Variants in TEX9 observed in about 807,000 individuals in gnomAD.
The protein encoded by TEX9 is testis expressed 9.
Under a neutral mutation model 59.6 loss-of-function variants are expected in TEX9, and 74 were observed. The ratio of observed to expected loss-of-function variants is 1.24; its 90% confidence interval spans 1.03 to 1.51. The LOEUF (loss-of-function observed/expected upper bound fraction) is 1.51, where lower values mean the gene tolerates loss of function less well. Among genes scored for constraint, TEX9 ranks in the 40% most tolerant of loss-of-function variants. TEX9 has a pLI of 0.00. For synonymous variants in TEX9, 186 were observed against 152.2 expected (o/e 1.22, Z -1.64); for missense variants, 522 against 447.8 (o/e 1.17, Z -1.49).
the TEX9 span, among the ~76,000 whole-genome samples, chr15:56,458,578 T>TA: frequency 7.1e-5 from 9 of 126,946 alleles, no homozygotes; most frequent in Non-Finnish European, 1.5e-4. Flanking sequence ...ATCATTTCAC[T>TA]ACCCTAAAAA....
At chr15:56,422,027 C>G (rs1327874684) in intron 10 of TEX9, among the ~76,000 whole-genome samples, 1 of 143,710 alleles carries the variant, frequency 7.0e-6, no homozygotes, top group African/African-American at 2.6e-5. Context: ...TTCTAGATCC[C>G]TGAGGAATCG....
chr15:56,439,225 G>A (rs768198238), intron 12 of TEX9, among the ~76,000 whole-genome samples: 3 of 152,182 alleles, frequency 2.0e-5, no homozygotes, highest in South Asian at 2.1e-4. Flanking sequence ...ACACGTACAG[G>A]ATTTGTATGC....
chr15:56,319,431 T>A (rs2045853694), intron 1 of TEX9, among the ~76,000 whole-genome samples: 1 of 151,966 alleles, frequency 6.6e-6, no homozygotes, highest in Non-Finnish European at 1.5e-5. Flanking sequence ...ACCCTTCTGA[T>A]GCTCTGATTG....
chr15:56,319,159 T>G (rs1460769199), intron 1 of TEX9, among the ~76,000 whole-genome samples: 1 of 152,024 alleles, frequency 6.6e-6, no homozygotes, highest in Non-Finnish European at 1.5e-5. Flanking sequence ...TCACTATAAA[T>G]TTGAGAATTT....
At chr15:56,444,153 A>C (rs1353475320) in intron 12 of TEX9, among the ~76,000 whole-genome samples, 1 of 152,066 alleles carries the variant, frequency 6.6e-6, no homozygotes, top group Non-Finnish European at 1.5e-5. Flanking sequence ...TCTACCAAAA[A>C]AATTTATCAG....
chr15:56,378,253 C>CCCT (rs1334924746), intron 3 of TEX9, among the ~76,000 whole-genome samples: 2 of 151,916 alleles, frequency 1.3e-5, no homozygotes, highest in African/African-American at 4.8e-5. Context: ...TGGAAGTATT[C>CCCT]CCTCCTCCTC....
intron 12 of TEX9, among the ~76,000 whole-genome samples, chr15:56,432,832 T>C (rs906776118): frequency 2.6e-5 from 4 of 152,174 alleles, no homozygotes; most frequent in Non-Finnish European, 4.4e-5. Flanking sequence ...ACATCTGCAT[T>C]ATTTTGACTC....
intron 1 of TEX9, among the ~76,000 whole-genome samples, chr15:56,305,216 C>T (rs1456669902): frequency 6.6e-6 from 1 of 151,932 alleles, no homozygotes; most frequent in African/African-American, 2.4e-5. Flanking sequence ...AAACGATTTA[C>T]AGATTCATTG....
At chr15:56,268,920 C>A (rs972127773) in intron 1 of TEX9, among the ~76,000 whole-genome samples, 33 of 152,016 alleles carry the variant, frequency 2.2e-4, no homozygotes, top group African/African-American at 7.5e-4. Flanking sequence ...CTTTTTGTAC[C>A]TCTGGTAGAA....
intron 1 of TEX9, among the ~76,000 whole-genome samples, chr15:56,294,176 G>T (rs1467578210): frequency 2.0e-5 from 3 of 152,198 alleles, no homozygotes; most frequent in African/African-American, 4.8e-5. Context: ...GGGAGGGAGG[G>T]GAGCTAGAGG....
rs1279267412 is a variant in TEX9 at position 56,431,573 on chromosome 15, T to G, written c.*29+3100T>G. ...CGAAGTTTTCAAATAAAACTACTCA[T>G]GCAATGAATTAGATAAAATTGATGA... On this transcript the variant is annotated intron_variant, in intron 12 of 12. Coordinates refer to ENST00000352903, the Ensembl canonical transcript of TEX9. 2.1e-6 allele frequency: 3 copies of G among 1,449,996 alleles called. No individual in the cohort carries two copies. The African/African-American group carries it at 4.2e-5, about 21-fold the overall frequency. The allele number at this position is 1,449,996 out of a possible 1,614,324, so 89.8% of individuals were successfully genotyped here. A position where few individuals can be genotyped will look rare whatever the true frequency, so the allele number is the denominator to read the frequency against.
At chr15:56,391,929 T>C (rs1221562292) in intron 7 of TEX9, among the ~76,000 whole-genome samples, 1 of 152,156 alleles carries the variant, frequency 6.6e-6, no homozygotes, top group Non-Finnish European at 1.5e-5. Flanking sequence ...TTTCTTCTTA[T>C]TAACTCATTC....
intron 12 of TEX9, among the ~76,000 whole-genome samples, chr15:56,438,068 C>G (rs1198850256): frequency 2.0e-5 from 3 of 152,116 alleles, no homozygotes; most frequent in African/African-American, 7.2e-5. Flanking sequence ...TCAATGCCAT[C>G]CACATCAAGC....
Position 56,374,019 on chromosome 15 carries a change from A to G in TEX9, c.183+515A>G, listed in dbSNP as rs527775087. 2.6e-5 allele frequency: 4 copies of G among 152,120 alleles called. No homozygotes were observed. In the South Asian group the frequency reaches 8.3e-4, roughly 32 times the overall value. The allele number at this position is 152,120 out of a possible 1,614,324, so 9.4% of individuals were successfully genotyped here. A position where few individuals can be genotyped will look rare whatever the true frequency, so the allele number is the denominator to read the frequency against. On this transcript the variant is annotated intron_variant, in intron 3 of 12. Transcript: ENST00000352903. ...ACATTTCAAGTAATATATTTTGATA[A>G]TGGTTACAGATTTGTATTTTATAAT...
intron 1 of TEX9, among the ~76,000 whole-genome samples, chr15:56,247,233 T>C (rs1255403771): frequency 6.6e-6 from 1 of 152,210 alleles, no homozygotes; most frequent in African/African-American, 2.4e-5. Context: ...TATATAGCAG[T>C]ATTGGGCACG....
At chr15:56,367,197 TGGC>T (rs2046985006) in intron 2 of TEX9, among the ~76,000 whole-genome samples, 1 of 152,176 alleles carries the variant, frequency 6.6e-6, no homozygotes, top group South Asian at 2.1e-4. Flanking sequence ...TATTATATGG[TGGC>T]CAGTTGTTAC....
intron 1 of TEX9, among the ~76,000 whole-genome samples, chr15:56,283,690 C>T (rs2044873741): frequency 6.6e-6 from 1 of 151,700 alleles, no homozygotes; most frequent in South Asian, 2.1e-4. Context: ...TTTTAGAAGA[C>T]AGCCAAAAAG....
At chr15:56,414,991 T>C (rs191022551) in intron 10 of TEX9, among the ~76,000 whole-genome samples, 3 of 151,512 alleles carry the variant, frequency 2.0e-5, no homozygotes, top group Admixed American at 1.3e-4. Flanking sequence ...TGATGATCAG[T>C]GATATTGAGC....
intron 1 of TEX9, among the ~76,000 whole-genome samples, chr15:56,329,216 C>T (rs1436466310): frequency 6.6e-6 from 1 of 152,172 alleles, no homozygotes; most frequent in Admixed American, 6.5e-5. Context: ...AGAACCACAA[C>T]ATTACAGGGC....
Sources: gnomAD v4.1 joint callset for allele counts (sites outside exome capture counted in the v4.1 genomes callset) on GRCh38, gnomAD v4.1.1 for gene constraint, MANE v1.5 for transcripts, NCBI Gene and HGNC (gene_info 2026-07-23, HGNC 2026-07-21) for gene names.